Variants in SLC39A11 observed in about 807,000 individuals in gnomAD.
SLC39A11 encodes the protein solute carrier family 39 member 11.
A neutral mutation model predicts 36.1 loss-of-function variants in SLC39A11; 33 were observed. The observed-to-expected ratio is 0.91, with a 90% CI of 0.69 to 1.22. The LOEUF (loss-of-function observed/expected upper bound fraction) is 1.22. Ranked by LOEUF, SLC39A11 falls within the 50% of genes most tolerant of loss-of-function variation. The pLI is 0.00. For synonymous variants in SLC39A11, 166 were observed against 170.3 expected (o/e 0.97, Z 0.20); for missense variants, 432 against 430.3 (o/e 1.00, Z -0.03).
intron 7 of SLC39A11, among the ~76,000 whole-genome samples, chr17:72,654,333 C>A (rs1156310333): frequency 3.3e-5 from 5 of 152,190 alleles, no homozygotes; most frequent in African/African-American, 1.2e-4. Context: ...TTGGAAGACA[C>A]TGTTGAACGT....
At chr17:72,863,533 G>A (rs2080146851) in intron 5 of SLC39A11, among the ~76,000 whole-genome samples, 1 of 152,116 alleles carries the variant, frequency 6.6e-6, no homozygotes, top group African/African-American at 2.4e-5. Context: ...ATCCCACCCA[G>A]ACACAGCCGC....
chr17:72,812,708 T>C (rs1398990235), intron 6 of SLC39A11, among the ~76,000 whole-genome samples: 2 of 152,192 alleles, frequency 1.3e-5, no homozygotes, highest in African/African-American at 4.8e-5. Context: ...TACGGTGAAC[T>C]TTAACATTCT....
chr17:72,996,950 C>G (rs2089553407), intron 4 of SLC39A11, among the ~76,000 whole-genome samples: 1 of 151,964 alleles, frequency 6.6e-6, no homozygotes, highest in Non-Finnish European at 1.5e-5. Flanking sequence ...AAAAACATGC[C>G]CTGGTCCAAG....
intron 7 of SLC39A11, among the ~76,000 whole-genome samples, chr17:72,680,597 C>A (rs997514202): frequency 2.0e-5 from 3 of 152,200 alleles, no homozygotes; most frequent in Non-Finnish European, 4.4e-5. Context: ...CCTCCCCAGC[C>A]ATGTGGAACT....
At chr17:72,988,853 C>T (rs1036613246) in intron 4 of SLC39A11, among the ~76,000 whole-genome samples, 3 of 152,088 alleles carry the variant, frequency 2.0e-5, no homozygotes, top group African/African-American at 4.8e-5. Flanking sequence ...GGATTACAGG[C>T]GTGAGCCACC....
intron 6 of SLC39A11, among the ~76,000 whole-genome samples, chr17:72,756,900 A>G (rs2075377927): frequency 1.3e-5 from 2 of 151,974 alleles, no homozygotes; most frequent in South Asian, 4.2e-4. Context: ...CTGTAATCTC[A>G]GCACTTTGGG....
At chr17:72,909,029 C>G in intron 5 of SLC39A11, among the ~76,000 whole-genome samples, 1 of 152,250 alleles carries the variant, frequency 6.6e-6, no homozygotes, top group East Asian at 1.9e-4. Context: ...CCATACCTTT[C>G]AGACAACAGA....
At position 72,823,242 on chromosome 17, in the gene SLC39A11, G is replaced by A. The variant is rs142604299; in HGVS notation, c.601+26392C>T. 9.3e-4 allele frequency among the ~76,000 whole-genome samples: 141 copies of A among 151,266 alleles called. 2 individuals carry two copies. Among genetic ancestry groups the A allele is most frequent in the African/African-American group, 3.3e-3 (135 of 41,430 alleles). On this transcript the variant is annotated intron_variant, in intron 6 of 9. Coordinates refer to ENST00000255559, the MANE Select transcript of SLC39A11 (RefSeq NM_139177.4). ...AAGTCCTTCTAGGTCACCCAACTTT[G>A]ACCTTGAGGCATGAGTCTTCTTACT...
chr17:72,966,942 G>T (rs1446916572), intron 4 of SLC39A11, among the ~76,000 whole-genome samples: 1 of 152,210 alleles, frequency 6.6e-6, no homozygotes, highest in African/African-American at 2.4e-5. Context: ...CAGATCAGCA[G>T]CGGCATTAGA....
chr17:73,026,200 GGAAGAGAAGAGAAGA>G (rs763842495), intron 4 of SLC39A11, among the ~76,000 whole-genome samples: 1 of 126,926 alleles, frequency 7.9e-6, no homozygotes, highest in African/African-American at 3.0e-5. Context: ...AGAAGAGAAG[GGAAGAGAAGAGAAGA>G]GAAGAGAAGA....
At position 72,855,860 on chromosome 17, in the gene SLC39A11, G is replaced by A. The variant is rs370799641; in HGVS notation, c.431-6056C>T. Among the ~76,000 whole-genome samples, 717 of 151,508 alleles carry A rather than the reference G, an allele frequency of 4.7e-3. 10 individuals carry two copies. Among genetic ancestry groups the A allele is most frequent in the South Asian group, 0.016 (78 of 4,800 alleles). ...TGCAGTGAGCCAAGATGGCGCCACT[G>A]CACTCCAGCCTGGGCGACAAAGCGA... On this transcript the variant is annotated intron_variant, in intron 5 of 9. Transcript: ENST00000255559.
Position 72,857,443 on chromosome 17 carries a change from T to C in SLC39A11, c.431-7639A>G, listed in dbSNP as rs112016976. Among the ~76,000 whole-genome samples, 1,105 of 152,326 alleles carry C rather than the reference T, an allele frequency of 7.3e-3. 2 individuals are homozygous for C. The highest frequency in any genetic ancestry group is 0.012 in the Non-Finnish European group (809 of 68,028). On this transcript the variant is annotated intron_variant, in intron 5 of 9. Coordinates refer to ENST00000255559, the MANE Select transcript of SLC39A11 (RefSeq NM_139177.4). ...ATTGTGAATAGTGCTGCAATGAACA[T>C]TGATGTGCATGTGTCTTTATGGTGG...
At chr17:72,653,874 A>T (rs2069983835) in intron 7 of SLC39A11, among the ~76,000 whole-genome samples, 2 of 152,202 alleles carry the variant, frequency 1.3e-5, no homozygotes, top group Admixed American at 6.5e-5. Context: ...GGCCCTGGGC[A>T]GGAAGTCAAC....
chr17:73,062,266 C>G (rs2059863628), intron 3 of SLC39A11, among the ~76,000 whole-genome samples: 1 of 151,190 alleles, frequency 6.6e-6, no homozygotes, highest in African/African-American at 2.4e-5. Context: ...TCGAGACCAC[C>G]CTGGGCAACA....
chr17:72,775,320 A>G (rs2076096072), intron 6 of SLC39A11, among the ~76,000 whole-genome samples: 1 of 152,170 alleles, frequency 6.6e-6, no homozygotes. Flanking sequence ...CTGCATCAGC[A>G]TCATCTGTGA....
chr17:72,823,795 T>C (rs1018195094), intron 6 of SLC39A11: 1 of 151,484 alleles, frequency 6.6e-6, no homozygotes, highest in Non-Finnish European at 1.5e-5. Flanking sequence ...CTTGCCACAC[T>C]GGTGCTATGT....
chr17:73,075,783 G>A (rs552131964), intron 3 of SLC39A11, among the ~76,000 whole-genome samples: 2 of 152,188 alleles, frequency 1.3e-5, no homozygotes, highest in East Asian at 3.9e-4. Flanking sequence ...AGCCCTGGAG[G>A]CAGAGGTTGC....
chr17:72,834,978 G>A (rs2078461071), intron 6 of SLC39A11, among the ~76,000 whole-genome samples: 1 of 152,208 alleles, frequency 6.6e-6, no homozygotes, highest in Non-Finnish European at 1.5e-5. Flanking sequence ...ATGTCTAAAA[G>A]TTTCCCTGCC....
intron 6 of SLC39A11, among the ~76,000 whole-genome samples, chr17:72,774,048 T>C (rs143905066): frequency 2.1e-3 from 323 of 152,312 alleles, no homozygotes; most frequent in African/African-American, 7.1e-3. Flanking sequence ...GGGCTTCCAA[T>C]TAACTGCCCT....
Sources: allele counts gnomAD v4.1 joint callset (sites outside exome capture counted in the v4.1 genomes callset), GRCh38; gene constraint gnomAD v4.1.1; transcripts MANE v1.5; gene names NCBI Gene and HGNC (gene_info 2026-07-23, HGNC 2026-07-21).